RASSF3: variants seen among roughly 807,000 people sequenced by gnomAD.
The protein encoded by RASSF3 is ras association domain-containing protein 3.
In RASSF3, 19 loss-of-function variants were observed where a neutral mutation model predicts 19.9. The ratio of observed to expected loss-of-function variants is 0.96; its 90% CI spans 0.67 to 1.40. The LOEUF is 1.40. RASSF3 is among the 40% of genes most tolerant of loss of function. RASSF3 has a pLI of 0.00. For synonymous variants in RASSF3, 110 were observed against 104.2 expected, an observed-to-expected ratio of 1.06 and a Z score of -0.34; for missense variants, 306 against 289.8, an observed-to-expected ratio of 1.06 and a Z score of -0.41.
At chr12:64,693,209 A>G (rs1353706888) in intron 4 of RASSF3, among the ~76,000 whole-genome samples, 1 of 145,422 alleles carries the variant, frequency 6.9e-6, no homozygotes, top group African/African-American at 2.6e-5. Context: ...TCTACCACTG[A>G]GCCCATTTGG....
chr12:64,566,095 G>A (rs1009167505), intron 2 of RASSF3, among the ~76,000 whole-genome samples: 1 of 151,956 alleles, frequency 6.6e-6, no homozygotes, highest in Non-Finnish European at 1.5e-5. Flanking sequence ...CAGCTACTCA[G>A]GAGGCTGAGG....
intron 1 of RASSF3, among the ~76,000 whole-genome samples, chr12:64,665,830 C>T (rs1481506297): frequency 6.6e-6 from 1 of 152,204 alleles, no homozygotes; most frequent in East Asian, 1.9e-4. Context: ...TCAGCTCTTT[C>T]CTAAGTGCAG....
upstream of RASSF3, among the ~76,000 whole-genome samples, chr12:64,610,336 C>G (rs1163888578): frequency 6.7e-6 from 1 of 150,348 alleles, no homozygotes; most frequent in Non-Finnish European, 1.5e-5. Flanking sequence ...CGGGCTCCCC[C>G]CACCTGCGGG....
intron 1 of RASSF3, among the ~76,000 whole-genome samples, chr12:64,508,839 T>C (rs1276730286): frequency 6.6e-6 from 1 of 152,000 alleles, no homozygotes; most frequent in Non-Finnish European, 1.5e-5. Context: ...TGAGCCGAGA[T>C]TGTGCGATTG....
At position 64,518,437 on chromosome 12, in the gene RASSF3, G is replaced by A. The variant is rs546999900; in HGVS notation, c.169+11108G>A. On this transcript the variant is annotated intron_variant, in intron 1 of 5. Coordinates refer to the RASSF3 transcript ENST00000637125. ...CAAAGAAGAAGACAGTGTATCACAC[G>A]GCAAGAGGGAGCAAGAAAGACAGAA... 1.6e-4 allele frequency among the ~76,000 whole-genome samples: 24 copies of A among 152,282 alleles called. No homozygotes were observed. The South Asian group carries it at 4.1e-3, about 26-fold the overall frequency.
At chr12:64,577,235 A>G (rs140713424) in intron 2 of RASSF3, among the ~76,000 whole-genome samples, 274 of 152,308 alleles carry the variant, frequency 1.8e-3, no homozygotes, top group African/African-American at 6.4e-3. Context: ...TCTGGCTTCT[A>G]TTTCTAGCCC....
intron 1 of RASSF3, among the ~76,000 whole-genome samples, chr12:64,617,769 G>C (rs1441735771): frequency 6.6e-6 from 1 of 152,116 alleles, no homozygotes; most frequent in Non-Finnish European, 1.5e-5. Flanking sequence ...ATATTGGCCA[G>C]GCTGGTCTTG....
chr12:64,520,555 C>CACACATATAT (rs1435123674), intron 1 of RASSF3, among the ~76,000 whole-genome samples: 129 of 86,256 alleles, frequency 1.5e-3, no homozygotes, highest in East Asian at 3.6e-3. Context: ...CACATACACA[C>CACACATATAT]ATATATATAT....
At chr12:64,691,329 A>C in intron 3 of RASSF3, 141 bp from the exon 4 acceptor site, 1 of 642,260 alleles carries the variant, frequency 1.6e-6, no homozygotes, top group South Asian at 1.8e-5. Context: ...CTGGTATTAA[A>C]TAATAAGATG....
chr12:64,507,302 T>C (rs1440253872), exon 1 of RASSF3: 1 of 398,496 alleles, frequency 2.5e-6, no homozygotes, highest in Non-Finnish European at 4.4e-6. Context: ...GAATCGGAAA[T>C]CCAAGCTGCT....
intron 1 of RASSF3, among the ~76,000 whole-genome samples, chr12:64,517,931 A>G (rs1350266811): frequency 6.6e-6 from 1 of 151,968 alleles, no homozygotes; most frequent in African/African-American, 2.4e-5. Flanking sequence ...CACTCACTTT[A>G]TATAGCTATA....
chr12:64,622,349 C>T lies in RASSF3; in HGVS notation c.111+11606C>T, dbSNP rs567223153. ...TGTTGGGATTACAGGTGTGAGCCAC[C>T]GTGCCTGGCCAGTCCTAACTTATTT... On this transcript the variant is annotated intron_variant, in intron 1 of 4. Transcript: ENST00000542104. Among the ~76,000 whole-genome samples, 8 of 151,854 alleles carry T rather than the reference C, an allele frequency of 5.3e-5. No individual in the cohort carries two copies. The East Asian group carries it at 7.8e-4, about 15-fold the overall frequency.
intron 2 of RASSF3, among the ~76,000 whole-genome samples, chr12:64,575,293 C>T (rs906806311): frequency 3.9e-5 from 6 of 152,162 alleles, no homozygotes; most frequent in African/African-American, 1.4e-4. Flanking sequence ...GTGGCTCATG[C>T]CTATAATCCC....
intron 1 of RASSF3, among the ~76,000 whole-genome samples, chr12:64,636,120 G>GTT (rs111762481): frequency 6.8e-6 from 1 of 147,184 alleles, no homozygotes; most frequent in Admixed American, 6.8e-5. Context: ...ATAACTTACG[G>GTT]TTTTTTTTTT....
intron 1 of RASSF3, among the ~76,000 whole-genome samples, chr12:64,644,375 C>T (rs17100505): frequency 0.051 from 7,703 of 152,106 alleles, 677 homozygotes; most frequent in African/African-American, 0.18. Context: ...AATTTGTAGT[C>T]TTCTTAATAG....
At chr12:64,685,965 A>T (rs751159260) in intron 2 of RASSF3, among the ~76,000 whole-genome samples, 64 of 152,150 alleles carry the variant, frequency 4.2e-4, no homozygotes, top group Non-Finnish European at 7.9e-4. Context: ...TTGGTAAAGG[A>T]CAAGGTGATT....
chr12:64,552,707 C>T lies in RASSF3; in HGVS notation c.294+11002C>T, dbSNP rs148797163. On this transcript the variant is annotated intron_variant, in intron 2 of 5. Coordinates refer to the RASSF3 transcript ENST00000637125. ...CATGTCCCTGCAAAGGACATGATCT[C>T]GTTCCTTTATATGGCTGCATAGTAT... is the stretch of plus-strand genomic sequence containing the variant. Among the ~76,000 whole-genome samples the T allele has an allele frequency of 1.1e-3, 173 of 152,306 alleles. 1 individual carries two copies. The East Asian group carries it at 0.026, about 23-fold the overall frequency.
chr12:64,645,995 A>C (rs1375074710), intron 1 of RASSF3, among the ~76,000 whole-genome samples: 2 of 152,198 alleles, frequency 1.3e-5, no homozygotes, highest in African/African-American at 4.8e-5. Flanking sequence ...TGCAGTATGC[A>C]CTCTTGCAGC....
At chr12:64,620,933 A>AT (rs1437338627) in intron 1 of RASSF3, among the ~76,000 whole-genome samples, 1 of 152,076 alleles carries the variant, frequency 6.6e-6, no homozygotes, top group Non-Finnish European at 1.5e-5. Context: ...CTTTATTATT[A>AT]TTTTTTAAAT....
Sources: gnomAD v4.1 joint callset for allele counts (sites outside exome capture counted in the v4.1 genomes callset) on GRCh38, gnomAD v4.1.1 for gene constraint, MANE v1.5 for transcripts, NCBI Gene and HGNC (gene_info 2026-07-23, HGNC 2026-07-21) for gene names.